The following GTF2A1L variants were observed in gnomAD, a reference collection of about 807,000 sequenced individuals.
The protein encoded by GTF2A1L is general transcription factor IIA subunit 1 like.
Under a neutral mutation model 49.7 loss-of-function variants are expected in GTF2A1L, and 48 were observed. That is an observed-to-expected ratio of 0.97 (90% CI 0.77 to 1.23). GTF2A1L has a LOEUF of 1.23. Ranked by LOEUF, GTF2A1L falls within the 50% of genes most tolerant of loss-of-function variation. GTF2A1L has a pLI of 0.00. For missense variants in GTF2A1L, 736 were observed against 564.8 expected, an observed-to-expected ratio of 1.30 and a Z score of -3.07; for synonymous variants, 246 against 193.5, an observed-to-expected ratio of 1.27 and a Z score of -2.25.
intron 4 of GTF2A1L, among the ~76,000 whole-genome samples, chr2:48,642,709 G>A (rs1338274048): frequency 6.6e-6 from 1 of 152,144 alleles, no homozygotes; most frequent in East Asian, 1.9e-4. Flanking sequence ...ACAAAAATTA[G>A]CTGGGTGTAG....
At chr2:48,670,055 A>T in intron 7 of GTF2A1L, 73 bp downstream of exon 7, 2 of 1,517,184 alleles carry the variant, frequency 1.3e-6, no homozygotes, top group Admixed American at 4.4e-5. Context: ...CCTTGGAACC[A>T]AAAGGAATAG....
rs190663910 is a variant in GTF2A1L at position 48,659,289 on chromosome 2, G to T, written c.979-10433G>T. Among the ~76,000 whole-genome samples, 319 of 152,172 alleles carry T rather than the reference G, an allele frequency of 2.1e-3. 1 individual carries two copies. Among genetic ancestry groups the T allele is most frequent in the African/African-American group, 7.4e-3 (309 of 41,546 alleles). On this transcript the variant is annotated intron_variant, in intron 6 of 8. Transcript: ENST00000403751. ...TTCCATCAAATATGTTTTCTAGGTT[G>T]TTTAGTTTTTCTCTTTCAAGAATGC...
At position 48,646,725 on chromosome 2, in the gene GTF2A1L, C is replaced by T; in HGVS notation, c.661C>T (p.Pro221Ser). ...TGCCACCAGTGATATACTTGTATCTCCTGGAAATGAGCATAAAATCGTGCC... is the reference window on the plus strand; with the variant it reads ...TGCCACCAGTGATATACTTGTATCTTCTGGAAATGAGCATAAAATCGTGCC... ...ENATSDILVSPGNEHKIVPEA... is the reference protein window; with the variant it reads ...ENATSDILVSSGNEHKIVPEA... The change falls in exon 6 of 9, where the codon CCT becomes TCT. Residue 221 changes from proline (P) to serine (S), a missense_variant. Coordinates refer to ENST00000403751, the MANE Select transcript of GTF2A1L (RefSeq NM_006872.5). 2 of 1,614,188 alleles carry T rather than the reference C, an allele frequency of 1.2e-6. No homozygotes were observed. Among genetic ancestry groups the T allele is most frequent in the Non-Finnish European group, 1.7e-6 (2 of 1,180,022 alleles).
chr2:48,642,771 T>G (rs1420918318), intron 4 of GTF2A1L, among the ~76,000 whole-genome samples: 1 of 151,716 alleles, frequency 6.6e-6, no homozygotes, highest in African/African-American at 2.4e-5. Context: ...CAGGAGAATC[T>G]CTTGAACCTG....
At position 48,617,924 on chromosome 2, in the gene GTF2A1L, G is replaced by C. The variant is rs540271960; in HGVS notation, c.21+29G>C. The C allele has an allele frequency of 2.2e-5, 34 of 1,551,118 alleles. No homozygotes were observed. The South Asian group carries it at 2.9e-4, about 13-fold the overall frequency. ...AGGAAGACCTCAGGCTCTGTGTAGAGGGAGCGCCCTGGGACTCCGGGTTCA... is the reference window on the plus strand; with the variant it reads ...AGGAAGACCTCAGGCTCTGTGTAGACGGAGCGCCCTGGGACTCCGGGTTCA... On this transcript the variant is annotated intron_variant, in intron 1 of 8. Coordinates refer to ENST00000403751, the MANE Select transcript of GTF2A1L (RefSeq NM_006872.5).
At chr2:48,619,494 A>G (rs929667611) in intron 1 of GTF2A1L, among the ~76,000 whole-genome samples, 4 of 151,310 alleles carry the variant, frequency 2.6e-5, no homozygotes, top group African/African-American at 9.7e-5. Context: ...AATAATAATA[A>G]TAAAAAAAAA....
At chr2:48,669,439 C>T (rs984971423) in intron 6 of GTF2A1L, among the ~76,000 whole-genome samples, 10 of 152,094 alleles carry the variant, frequency 6.6e-5, no homozygotes, top group South Asian at 2.1e-4. Flanking sequence ...AAATTTAAGA[C>T]GGTATGTATA....
At chr2:48,619,121 C>T (rs1486675964) in intron 1 of GTF2A1L, among the ~76,000 whole-genome samples, 2 of 152,046 alleles carry the variant, frequency 1.3e-5, no homozygotes, top group Non-Finnish European at 2.9e-5. Flanking sequence ...TTGGCCTATT[C>T]GTATAGGTTT....
intron 5 of GTF2A1L, among the ~76,000 whole-genome samples, chr2:48,645,604 T>G (rs1360497586): frequency 2.0e-5 from 3 of 152,180 alleles, no homozygotes; most frequent in African/African-American, 7.2e-5. Flanking sequence ...ACCTCTTCTT[T>G]GGGTTGTTGT....
Position 48,646,830 on chromosome 2 carries a change from A to G in GTF2A1L, c.766A>G (p.Thr256Ala). The change falls in exon 6 of 9, where the codon ACA (threonine) becomes GCA (alanine). Residue 256 changes from threonine to alanine, a missense_variant. Thr to Ala is a moderately conservative substitution (Grantham distance 58, BLOSUM62 0). Coordinates refer to ENST00000403751, the MANE Select transcript of GTF2A1L (RefSeq NM_006872.5). ...GVVFSPQVSQ[T>A]NSNVESVLSG... The stretch of plus-strand genomic sequence containing the variant: ...TGTATTTTCTCCACAGGTCTCTCAA[A>G]CAAATTCTAATGTGGAGTCAGTGCT... The G allele has an allele frequency of 6.2e-7, 1 of 1,614,186 alleles. No homozygotes were observed. Among genetic ancestry groups the G allele is most frequent in the Non-Finnish European group, 8.5e-7 (1 of 1,180,008 alleles).
rs1679650330 is a variant in GTF2A1L, at chr2:48,679,428, G to A, written c.1423G>A (p.Asp475Asn). ...CTATGTATTTGCAAAAGCCATTGGT[G>A]ATGCAGAGTGGTAAACCTTGTGAGC... Reference protein sequence around the residue: ...RDYVFAKAIGDAEW With the variant: ...RDYVFAKAIGNAEW The change falls in exon 9 of 9, where the codon GAT (aspartate) becomes AAT (asparagine). Residue 475 changes from aspartate (D) to asparagine (N), a missense_variant. Transcript: ENST00000403751. 1.2e-6 allele frequency: 2 copies of A among 1,612,368 alleles called. No individual in the cohort carries two copies. Among genetic ancestry groups the A allele is most frequent in the African/African-American group, 1.3e-5 (1 of 74,858 alleles).
chr2:48,627,937 T>G (rs1182559615), intron 3 of GTF2A1L, among the ~76,000 whole-genome samples: 1 of 143,916 alleles, frequency 6.9e-6, no homozygotes, highest in Non-Finnish European at 1.6e-5. Flanking sequence ...CCATGGGTAC[T>G]CAATGTTTAG....
chr2:48,657,464 C>T (rs973159603), intron 6 of GTF2A1L, among the ~76,000 whole-genome samples: 13 of 152,226 alleles, frequency 8.5e-5, no homozygotes, highest in South Asian at 4.1e-4. Context: ...TAGTATTCCA[C>T]GGTTTATATG....
At chr2:48,633,083 T>C (rs755701523) in intron 3 of GTF2A1L, 48 of 267,376 alleles carry the variant, frequency 1.8e-4, no homozygotes, top group Non-Finnish European at 3.4e-4. Context: ...ATGTAATCTT[T>C]GATGTACTTC....
rs57507576 is a variant in GTF2A1L at position 48,667,115 on chromosome 2, A to ATT, written c.979-2593_979-2592dup. Among the ~76,000 whole-genome samples the ATT allele has an allele frequency of 3.3e-3, 473 of 142,888 alleles. 2 individuals carry two copies. Among genetic ancestry groups the ATT allele is most frequent in the East Asian group, 0.024 (116 of 4,832 alleles). The allele number at this position is 142,888 out of a possible 152,430, so 93.7% of individuals were successfully genotyped here. The stretch of plus-strand genomic sequence containing the variant: ...CAGCATGCACCACCACTCCCAGCTA[A>ATT]TTTTTTTTTTTTTTTGTATTTTTTG... On this transcript the variant is annotated intron_variant, in intron 6 of 8. Coordinates refer to ENST00000403751, the MANE Select transcript of GTF2A1L (RefSeq NM_006872.5).
chr2:48,637,751 C>G (rs1426980252), intron 3 of GTF2A1L, among the ~76,000 whole-genome samples: 2 of 151,890 alleles, frequency 1.3e-5, no homozygotes, highest in African/African-American at 2.4e-5. Flanking sequence ...AGAGAAGATC[C>G]AAATAAACAC....
intron 3 of GTF2A1L, among the ~76,000 whole-genome samples, chr2:48,626,715 A>G (rs1676314333): frequency 6.9e-6 from 1 of 143,920 alleles, no homozygotes; most frequent in Non-Finnish European, 1.6e-5. Flanking sequence ...CTGGGACTAC[A>G]GGCATGTGCC....
intron 3 of GTF2A1L, among the ~76,000 whole-genome samples, chr2:48,639,037 T>C (rs1365539904): frequency 1.3e-5 from 2 of 151,954 alleles, no homozygotes; most frequent in African/African-American, 4.8e-5. Flanking sequence ...AAAACACTGC[T>C]CAAAGAAATC....
chr2:48,636,666 A>G (rs1676905052), intron 3 of GTF2A1L, among the ~76,000 whole-genome samples: 1 of 152,216 alleles, frequency 6.6e-6, no homozygotes, highest in South Asian at 2.1e-4. Flanking sequence ...AAATGGTCTT[A>G]GGTAGCCTCA....
Sources: gnomAD v4.1 joint callset for allele counts (sites outside exome capture counted in the v4.1 genomes callset) on GRCh38, gnomAD v4.1.1 for gene constraint, MANE v1.5 for transcripts, NCBI Gene and HGNC (gene_info 2026-07-23, HGNC 2026-07-21) for gene names.